The following VTI1A variants were observed in gnomAD, a reference collection of about 807,000 sequenced individuals.
VTI1A encodes vesicle transport through interaction with t-SNAREs 1A, also known as vesicle transport through interaction with t-SNAREs homolog 1A.
A neutral mutation model predicts 34.9 loss-of-function variants in VTI1A; 22 were observed. That is an observed-to-expected ratio of 0.63 (90% CI 0.45 to 0.90). The LOEUF is 0.90. Ranked by LOEUF, VTI1A falls within the 40% of genes least tolerant of loss-of-function variation. The pLI is 0.00. For missense variants in VTI1A, 268 were observed against 275.6 expected, an observed-to-expected ratio of 0.97 and a Z score of 0.20; for synonymous variants, 87 against 97.3, an observed-to-expected ratio of 0.89 and a Z score of 0.62.
At chr10:112,642,347 A>C (rs541037948) in intron 5 of VTI1A, among the ~76,000 whole-genome samples, 1 of 152,296 alleles carries the variant, frequency 6.6e-6, no homozygotes, top group East Asian at 1.9e-4. Flanking sequence ...TCTGAGTTGT[A>C]TTCCTCTGAT....
chr10:112,699,488 G>A (rs1199223858), intron 7 of VTI1A, among the ~76,000 whole-genome samples: 5 of 152,202 alleles, frequency 3.3e-5, no homozygotes, highest in African/African-American at 1.2e-4. Flanking sequence ...TTTAAACTAT[G>A]GTTTATAGTT....
At chr10:112,507,661 T>C (rs1849476802) in intron 3 of VTI1A, among the ~76,000 whole-genome samples, 2 of 152,142 alleles carry the variant, frequency 1.3e-5, no homozygotes, top group African/African-American at 4.8e-5. Flanking sequence ...TGGCTTAAAA[T>C]TGGGAAAGGT....
At chr10:112,607,228 A>G (rs1192103524) in intron 5 of VTI1A, among the ~76,000 whole-genome samples, 1 of 151,888 alleles carries the variant, frequency 6.6e-6, no homozygotes, top group East Asian at 1.9e-4. Context: ...CAGAGGTTGC[A>G]GTGAGCCAAG....
At chr10:112,778,131 T>C (rs543579118) in intron 7 of VTI1A, among the ~76,000 whole-genome samples, 3 of 152,070 alleles carry the variant, frequency 2.0e-5, no homozygotes, top group African/African-American at 7.2e-5. Flanking sequence ...AGTGTATTGG[T>C]GATAGCAAGT....
chr10:112,837,987 A>C, the VTI1A span, among the ~76,000 whole-genome samples: 1 of 152,256 alleles, frequency 6.6e-6, no homozygotes, highest in Non-Finnish European at 1.5e-5. Flanking sequence ...ACGAGGCAGC[A>C]ACCTTCATGT....
At chr10:112,783,032 A>G (rs1852182056) in intron 7 of VTI1A, among the ~76,000 whole-genome samples, 1 of 151,934 alleles carries the variant, frequency 6.6e-6, no homozygotes, top group African/African-American at 2.4e-5. Context: ...AGTAGACACG[A>G]ATCTGGATAT....
rs1418805647 is a variant in VTI1A at position 112,618,514 on chromosome 10, T to TAG, written c.428-49703_428-49702insGA. Among the ~76,000 whole-genome samples, 396 of 42,438 alleles carry TAG rather than the reference T, an allele frequency of 9.3e-3. 5 individuals carry two copies. The highest frequency in any genetic ancestry group is 0.023 in the Middle Eastern group (2 of 86). The allele number at this position is 42,438 out of a possible 152,430, so 27.8% of individuals were successfully genotyped here. A position where few individuals can be genotyped will look rare whatever the true frequency, so the allele number is the denominator to read the frequency against. On this transcript the variant is annotated intron_variant, in intron 5 of 7. Transcript: ENST00000393077. ...TTATATATATATATATATATATATA[T>TAG]ATATATATATAGAGAGAGAGAGAGA...
chr10:112,531,478 C>CAA (rs1407152404), intron 4 of VTI1A, among the ~76,000 whole-genome samples: 16 of 38,206 alleles, frequency 4.2e-4, no homozygotes, highest in African/African-American at 1.4e-3. Flanking sequence ...CCGGCCTAAG[C>CAA]AAAGAAAAAA....
intron 3 of VTI1A, among the ~76,000 whole-genome samples, chr10:112,481,431 A>G (rs984218907): frequency 2.6e-5 from 4 of 152,226 alleles, no homozygotes; most frequent in Admixed American, 6.5e-5. Context: ...CCTTAAGCCA[A>G]TGCCAATGGA....
At chr10:112,688,173 C>G (rs964896535) in intron 7 of VTI1A, among the ~76,000 whole-genome samples, 1 of 151,780 alleles carries the variant, frequency 6.6e-6, no homozygotes, top group Non-Finnish European at 1.5e-5. Flanking sequence ...AGGCTGGTCT[C>G]GAACTCCTGA....
intron 3 of VTI1A, among the ~76,000 whole-genome samples, chr10:112,476,044 C>G (rs1415021843): frequency 2.6e-5 from 4 of 152,094 alleles, no homozygotes; most frequent in Non-Finnish European, 5.9e-5. Flanking sequence ...GTATTTCTGG[C>G]TGTTTATTTT....
At chr10:112,823,030 C>G (rs1853682207), downstream of VTI1A, among the ~76,000 whole-genome samples, 1 of 152,328 alleles carries the variant, frequency 6.6e-6, no homozygotes, top group Non-Finnish European at 1.5e-5. Context: ...CATTGCGATG[C>G]CTGTGCCTCT....
At chr10:112,654,140 G>A (rs899148305) in intron 5 of VTI1A, among the ~76,000 whole-genome samples, 2 of 152,190 alleles carry the variant, frequency 1.3e-5, no homozygotes, top group South Asian at 2.1e-4. Context: ...ACTAAAAGAA[G>A]TCTGTAAGTG....
At chr10:112,521,923 C>A (rs1850041627) in intron 3 of VTI1A, among the ~76,000 whole-genome samples, 1 of 151,706 alleles carries the variant, frequency 6.6e-6, no homozygotes, top group Non-Finnish European at 1.5e-5. Flanking sequence ...TGGTGTGTGG[C>A]TGAAAAGCTG....
At chr10:112,847,301 C>T in the VTI1A span, among the ~76,000 whole-genome samples, 1 of 152,136 alleles carries the variant, frequency 6.6e-6, no homozygotes, top group Non-Finnish European at 1.5e-5. Context: ...AGAGAGCTGA[C>T]CATCACCCCC....
chr10:112,701,157 C>T (rs1848995307), intron 7 of VTI1A, among the ~76,000 whole-genome samples: 1 of 152,152 alleles, frequency 6.6e-6, no homozygotes, highest in Non-Finnish European at 1.5e-5. Flanking sequence ...TTAATAACTC[C>T]AGCTATTTTT....
intron 3 of VTI1A, among the ~76,000 whole-genome samples, chr10:112,499,746 C>T (rs1367093535): frequency 6.6e-6 from 1 of 152,150 alleles, no homozygotes; most frequent in African/African-American, 2.4e-5. Flanking sequence ...ACACAGTTAC[C>T]CATATGAGAA....
At chr10:112,508,948 G>A (rs995679904) in intron 3 of VTI1A, among the ~76,000 whole-genome samples, 1 of 152,156 alleles carries the variant, frequency 6.6e-6, no homozygotes, top group Admixed American at 6.5e-5. Context: ...GGAGACAAAC[G>A]TGAGTCACAA....
chr10:112,791,842 T>TTC (rs1413098961), intron 7 of VTI1A, among the ~76,000 whole-genome samples: 1 of 151,418 alleles, frequency 6.6e-6, no homozygotes, highest in Non-Finnish European at 1.5e-5. Context: ...ACTTTTTTTT[T>TTC]TTTGCTTCAG....
Sources: allele counts gnomAD v4.1 joint callset (sites outside exome capture counted in the v4.1 genomes callset), GRCh38; gene constraint gnomAD v4.1.1; transcripts MANE v1.5; gene names NCBI Gene and HGNC (gene_info 2026-07-23, HGNC 2026-07-21).